The following PIK3CA variants were observed in gnomAD, a reference collection of about 807,000 sequenced individuals.
PIK3CA encodes the protein phosphatidylinositol 4,5-bisphosphate 3-kinase catalytic subunit alpha isoform.
PIK3CA carries 27 observed loss-of-function variants against 138.2 expected under a neutral mutation model. That is an observed-to-expected ratio of 0.20 (90% CI 0.14 to 0.27). PIK3CA has a LOEUF of 0.27. Among genes scored for constraint, PIK3CA ranks in the 10% least tolerant of loss-of-function variants. The pLI, the probability that PIK3CA is intolerant of heterozygous loss-of-function variation, is 1.00. For missense variants in PIK3CA, 544 were observed against 1,277.4 expected (o/e 0.43, Z 8.75); for synonymous variants, 358 against 413.2 (o/e 0.87, Z 1.62).
intron 2 of PIK3CA, 96 bp from the exon 3 acceptor site, chr3:179,199,594 A>G: frequency 1.2e-6 from 1 of 853,392 alleles, no homozygotes; most frequent in Non-Finnish European, 1.8e-6. Flanking sequence ...CTTTATTGTG[A>G]TCTTCCAAAT....
Position 179,203,563 on chromosome 3 carries a change from T to C in PIK3CA, c.833T>C (p.Met278Thr), listed in dbSNP as rs1197175410. 14 of 1,613,790 alleles carry C rather than the reference T, an allele frequency of 8.7e-6. No individual in the cohort carries two copies. The highest frequency in any genetic ancestry group is 1.3e-5 in the African/African-American group (1 of 74,932). The change falls in exon 5 of 21, where the codon ATG (methionine) becomes ACG (threonine). Residue 278 changes from methionine (M) to threonine (T), a missense_variant. Around this residue, in one of 14 missense-constraint regions of PIK3CA, gnomAD observed 234 missense variants for 401.3 expected, o/e 0.58. Coordinates refer to ENST00000263967, the MANE Select transcript of PIK3CA (RefSeq NM_006218.4). ...TTACAGTATATAAGAAGCTGTATAA[T>C]GCTTGGGAGGATGCCCAATTTGATG... ...SQYKYIRSCI[M>T]LGRMPNLMLM...
intron 17 of PIK3CA, among the ~76,000 whole-genome samples, chr3:179,228,825 T>C (rs1241717567): frequency 6.6e-6 from 1 of 152,126 alleles, no homozygotes; most frequent in Admixed American, 6.6e-5. Context: ...CAATTTCTAA[T>C]ATCATTAGAT....
At chr3:179,197,954 G>A (rs1037104734) in intron 1 of PIK3CA, among the ~76,000 whole-genome samples, 2 of 152,094 alleles carry the variant, frequency 1.3e-5, no homozygotes, top group South Asian at 4.1e-4. Flanking sequence ...TTGGAACATT[G>A]CACTAACAGA....
intron 17 of PIK3CA, among the ~76,000 whole-genome samples, chr3:179,226,958 G>A (rs549120806): frequency 6.6e-6 from 1 of 152,042 alleles, no homozygotes; most frequent in African/African-American, 2.4e-5. Context: ...CCTGTGTCAT[G>A]AGAGATCCAC....
In PIK3CA at chr3:179,219,023, G is replaced by A. The variant is rs1194647598; in HGVS notation, c.1665-173G>A. Among the ~76,000 whole-genome samples the A allele has an allele frequency of 6.6e-6, 1 of 151,930 alleles. No individual in the cohort carries two copies. Among genetic ancestry groups the A allele is most frequent in the African/African-American group, 2.4e-5 (1 of 41,382 alleles). ...ATTATAACTGTGCCTAAGTATATAT[G>A]TAAATATATTTCCAACTATAGTGTT... On this transcript the variant is annotated intron_variant, in intron 10 of 20. Transcript: ENST00000263967. This position sits in a 1 kb window ranked among gnomAD's most constrained non-coding sequence, Gnocchi z 4.2.
chr3:179,188,433 G>A (rs1724047793), intron 1 of PIK3CA, among the ~76,000 whole-genome samples: 1 of 152,132 alleles, frequency 6.6e-6, no homozygotes, highest in Non-Finnish European at 1.5e-5. Flanking sequence ...TTGTACTACT[G>A]GAAAAACAAA....
intron 1 of PIK3CA, among the ~76,000 whole-genome samples, chr3:179,157,642 T>A (rs1365165484): frequency 2.0e-5 from 3 of 152,108 alleles, no homozygotes; most frequent in Non-Finnish European, 4.4e-5. Flanking sequence ...TAATTTTTTT[T>A]ACCAATCAAA....
intron 1 of PIK3CA, among the ~76,000 whole-genome samples, chr3:179,198,522 T>C (rs1443237464): frequency 1.3e-5 from 2 of 152,240 alleles, no homozygotes; most frequent in Non-Finnish European, 2.9e-5. Context: ...TAAATGACTT[T>C]ATTAAATTTA....
chr3:179,163,188 C>T (rs914952543), intron 1 of PIK3CA, among the ~76,000 whole-genome samples: 2 of 152,090 alleles, frequency 1.3e-5, no homozygotes, highest in Non-Finnish European at 2.9e-5. Context: ...ACTTTTGAAT[C>T]TTTATTTCAT....
At chr3:179,207,872 T>C (rs894373664) in intron 6 of PIK3CA, among the ~76,000 whole-genome samples, 1 of 152,092 alleles carries the variant, frequency 6.6e-6, no homozygotes, top group African/African-American at 2.4e-5. Context: ...TTTCTCTATA[T>C]GTTTCTACAA....
chr3:179,165,053 C>G (rs1256566218), intron 1 of PIK3CA, among the ~76,000 whole-genome samples: 1 of 152,074 alleles, frequency 6.6e-6, no homozygotes, highest in East Asian at 1.9e-4. Context: ...ACTTTACTGT[C>G]CCTACCTGTC....
intron 1 of PIK3CA, among the ~76,000 whole-genome samples, chr3:179,177,884 G>A (rs1357180166): frequency 6.6e-6 from 1 of 151,886 alleles, no homozygotes; most frequent in Non-Finnish European, 1.5e-5. Flanking sequence ...CACAGAATGA[G>A]TTAAAAAAAC....
At chr3:179,206,211 C>T (rs1258528201) in intron 6 of PIK3CA, among the ~76,000 whole-genome samples, 1 of 151,378 alleles carries the variant, frequency 6.6e-6, no homozygotes, top group East Asian at 1.9e-4. Flanking sequence ...GCACATGCCA[C>T]TGCGCCCAGC....
chr3:179,198,763 G>T lies in PIK3CA; in HGVS notation c.-63G>T. The T allele has an allele frequency of 1.1e-6, 1 of 902,444 alleles. No individual in the cohort carries two copies. Among genetic ancestry groups the T allele is most frequent in the Non-Finnish European group, 1.6e-6 (1 of 607,208 alleles). The allele number at this position is 902,444 out of a possible 1,614,324, so 55.9% of individuals were successfully genotyped here. ...TCTTTGATTTAGGTTTCTGCTTTGG[G>T]ACAACCATACATCTAATTCCTTAAA... On this transcript the variant is annotated 5_prime_UTR_variant, in exon 2 of 21. Transcript: ENST00000263967.
At chr3:179,150,735 C>A (rs1470981293) in intron 1 of PIK3CA, among the ~76,000 whole-genome samples, 2 of 152,074 alleles carry the variant, frequency 1.3e-5, no homozygotes, top group Non-Finnish European at 2.9e-5. Flanking sequence ...ATCAGTATCC[C>A]CTTAAAAAAC....
chr3:179,176,863 A>G (rs1723709944), intron 1 of PIK3CA, among the ~76,000 whole-genome samples: 2 of 152,224 alleles, frequency 1.3e-5, no homozygotes, highest in Admixed American at 1.3e-4. Flanking sequence ...TCTAAGAATA[A>G]GTGTATTTAA....
Position 179,196,620 on chromosome 3 carries a change from G to A in PIK3CA, c.-76-2130G>A, listed in dbSNP as rs559727745. On this transcript the variant is annotated intron_variant, in intron 1 of 20. Transcript: ENST00000263967. ...TGTTAATTTCTGTATTTTCGTGGGGGCTAAAAAGGCTAATAATTTCTGCTA... is the reference window on the plus strand; with the variant it reads ...TGTTAATTTCTGTATTTTCGTGGGGACTAAAAAGGCTAATAATTTCTGCTA... Among the ~76,000 whole-genome samples, 141 of 152,174 alleles carry A rather than the reference G, an allele frequency of 9.3e-4. 2 individuals are homozygous for A. Among genetic ancestry groups the A allele is most frequent in the Middle Eastern group, 3.4e-3 (1 of 294 alleles).
Position 179,230,401 on chromosome 3 carries a change from A to C in PIK3CA, c.2936+25A>C, listed in dbSNP as rs1385239374. 18 of 1,557,114 alleles carry C rather than the reference A, an allele frequency of 1.2e-5. No homozygotes were observed. The highest frequency in any genetic ancestry group is 1.5e-5 in the Non-Finnish European group (17 of 1,152,392). On this transcript the variant is annotated intron_variant, in intron 20 of 20. Coordinates refer to ENST00000263967, the MANE Select transcript of PIK3CA (RefSeq NM_006218.4). This position sits in a 1 kb window ranked among gnomAD's most constrained non-coding sequence, Gnocchi z 5.4. ...GGTGAGCTCGAGCAATTAAAAACAC[A>C]AAATAAAGAGTTCTGGCTGCTCTAT...
rs1724481141 is a variant in PIK3CA, at chr3:179,203,690, A to G, written c.960A>G (p.Gly320=). 6.2e-7 allele frequency: 1 copy of G among 1,613,820 alleles called. No homozygotes were observed. The highest frequency in any genetic ancestry group is 2.2e-5 in the East Asian group (1 of 44,866). Residue 320 remains glycine (G), a synonymous_variant, in exon 5 of 21, where the codon GGA becomes GGG. Transcript: ENST00000263967. The part of the protein sequence containing the change: ...RISTATPYMN[G]ETSTKSLWVI... ...CCACAGCTACACCATATATGAATGG[A>G]GAAACATCTACAAAATCCCTTTGGG...
Sources: gnomAD v4.1 joint callset for allele counts (sites outside exome capture counted in the v4.1 genomes callset) on GRCh38, gnomAD v4.1.1 for gene constraint, gnomAD v4.1.1 regional missense constraint, Gnocchi (gnomAD v3.1) non-coding constraint, MANE v1.5 for transcripts, NCBI Gene and HGNC (gene_info 2026-07-23, HGNC 2026-07-21) for gene names.